PARD3B: variants seen among roughly 807,000 people sequenced by gnomAD.
PARD3B encodes the protein par-3 family cell polarity regulator beta, also known as partitioning defective 3 homolog B.
In PARD3B, 103 loss-of-function variants were observed where a neutral mutation model predicts 130.2. The observed-to-expected ratio is 0.79, with a 90% confidence interval of 0.67 to 0.93. The LOEUF is 0.93. Among genes scored for constraint, PARD3B ranks in the 40% least tolerant of loss-of-function variants. PARD3B has a pLI of 0.00. For missense variants in PARD3B, 1,609 were observed against 1,499.2 expected (o/e 1.07, Z -1.21); for synonymous variants, 583 against 553.2 (o/e 1.05, Z -0.76).
At chr2:204,596,755 C>A (rs2033306281) in intron 1 of PARD3B, among the ~76,000 whole-genome samples, 1 of 152,058 alleles carries the variant, frequency 6.6e-6, no homozygotes, top group African/African-American at 2.4e-5. Context: ...ATGGAGAAAC[C>A]CCGTCTCTAC....
intron 2 of PARD3B, among the ~76,000 whole-genome samples, chr2:204,950,403 G>T (rs567156882): frequency 4.9e-4 from 74 of 152,182 alleles, no homozygotes; most frequent in Non-Finnish European, 1.0e-3. Flanking sequence ...AGTGGTGTGA[G>T]CCCAGATTTG....
At chr2:204,639,172 T>C (rs187318332) in intron 1 of PARD3B, among the ~76,000 whole-genome samples, 1 of 152,288 alleles carries the variant, frequency 6.6e-6, no homozygotes, top group Admixed American at 6.5e-5. Flanking sequence ...GGAGTAGAAG[T>C]TGAAGGACAA....
intron 10 of PARD3B, among the ~76,000 whole-genome samples, chr2:205,154,480 C>G (rs2033979806): frequency 6.6e-6 from 1 of 152,054 alleles, no homozygotes; most frequent in South Asian, 2.1e-4. Flanking sequence ...TTGTGGAAGA[C>G]AGTGTGGCGA....
intron 1 of PARD3B, among the ~76,000 whole-genome samples, chr2:204,644,354 T>C (rs1188211401): frequency 1.3e-5 from 2 of 152,202 alleles, no homozygotes; most frequent in African/African-American, 2.4e-5. Context: ...TGTATGGGTG[T>C]GTGGGTGTCT....
At chr2:204,917,148 TAAG>T (rs1320246755) in intron 2 of PARD3B, among the ~76,000 whole-genome samples, 2 of 152,208 alleles carry the variant, frequency 1.3e-5, no homozygotes, top group African/African-American at 4.8e-5. Context: ...GGGAAGATTC[TAAG>T]AAGACCATAG....
At chr2:205,123,445 G>T (rs1275110003) in intron 8 of PARD3B, among the ~76,000 whole-genome samples, 1 of 150,586 alleles carries the variant, frequency 6.6e-6, no homozygotes, top group Non-Finnish European at 1.5e-5. Context: ...AGAGATTTAG[G>T]TCTCTTTCAT....
chr2:205,072,564 A>G (rs574580271), intron 4 of PARD3B, among the ~76,000 whole-genome samples: 1 of 152,290 alleles, frequency 6.6e-6, no homozygotes, highest in South Asian at 2.1e-4. Flanking sequence ...GGATTAAAGT[A>G]TAGGTGGAGA....
intron 2 of PARD3B, among the ~76,000 whole-genome samples, chr2:204,859,354 A>C (rs2045091569): frequency 1.3e-5 from 2 of 152,174 alleles, no homozygotes; most frequent in Admixed American, 1.3e-4. Context: ...TTAGAAATGG[A>C]TGAGAATAGC....
rs114978377 is a variant in PARD3B at position 204,909,004 on chromosome 2, T to C, written c.223-56148T>C. Among the ~76,000 whole-genome samples, 576 of 152,250 alleles carry C rather than the reference T, an allele frequency of 3.8e-3. 5 individuals carry two copies. The highest frequency in any genetic ancestry group is 0.013 in the African/African-American group (534 of 41,546). On this transcript the variant is annotated intron_variant, in intron 2 of 22. Transcript: ENST00000406610. ...GAGTGGTTTCATACTATCAATAGTG[T>C]CCTTCAGCAGAATTGCTTTTTATTG...
intron 2 of PARD3B, among the ~76,000 whole-genome samples, chr2:204,796,875 T>C (rs2042392481): frequency 6.6e-6 from 1 of 152,188 alleles, no homozygotes. Flanking sequence ...TCTTTGACTG[T>C]ACATTAAACT....
At chr2:205,076,525 A>G (rs1464125299) in intron 4 of PARD3B, among the ~76,000 whole-genome samples, 1 of 152,184 alleles carries the variant, frequency 6.6e-6, no homozygotes, top group African/African-American at 2.4e-5. Context: ...ATTGGGGATC[A>G]TCAGCCCCCA....
At chr2:204,699,695 A>G (rs1001800671) in intron 2 of PARD3B, among the ~76,000 whole-genome samples, 2 of 152,148 alleles carry the variant, frequency 1.3e-5, no homozygotes, top group Non-Finnish European at 2.9e-5. Context: ...CAATGATACA[A>G]TAATGTTTGG....
chr2:205,496,605 A>T (rs75055432), intron 20 of PARD3B, among the ~76,000 whole-genome samples: 2,529 of 152,256 alleles, frequency 0.017, 74 homozygotes, highest in African/African-American at 0.056. Flanking sequence ...CCTGTCAGCC[A>T]CAGGGGACTT....
chr2:204,874,584 T>A (rs370647635), intron 2 of PARD3B, among the ~76,000 whole-genome samples: 112 of 152,188 alleles, frequency 7.4e-4, no homozygotes, highest in African/African-American at 1.4e-3. Context: ...TATTTTTTTT[T>A]AAAAATCGAG....
intron 20 of PARD3B, among the ~76,000 whole-genome samples, chr2:205,444,143 G>A (rs1463708591): frequency 1.3e-5 from 2 of 152,120 alleles, no homozygotes; most frequent in East Asian, 1.9e-4. Context: ...CCACCAACCC[G>A]ACTAATTTTT....
chr2:204,749,314 A>AT (rs2040369288), intron 2 of PARD3B, among the ~76,000 whole-genome samples: 1 of 152,242 alleles, frequency 6.6e-6, no homozygotes, highest in South Asian at 2.1e-4. Context: ...TTACATATCA[A>AT]TTTTTTGGTT....
chr2:204,565,631 A>G (rs1444663403), intron 1 of PARD3B, among the ~76,000 whole-genome samples: 1 of 152,180 alleles, frequency 6.6e-6, no homozygotes, highest in Non-Finnish European at 1.5e-5. Context: ...AAAATTTTTA[A>G]TTTTTGGATT....
At chr2:204,853,249 TATCCATAATAAAGAA>T (rs2044782938) in intron 2 of PARD3B, among the ~76,000 whole-genome samples, 1 of 152,192 alleles carries the variant, frequency 6.6e-6, no homozygotes, top group Non-Finnish European at 1.5e-5. Context: ...CCATGTGCAA[TATCCATAATAAAGAA>T]ATACAAGGAG....
intron 1 of PARD3B, among the ~76,000 whole-genome samples, chr2:204,583,285 C>A (rs2032657176): frequency 1.0e-5 from 1 of 96,440 alleles, no homozygotes; most frequent in Admixed American, 1.3e-4. Flanking sequence ...CCATGGAATA[C>A]TATGCAGCCA....
Sources: gnomAD v4.1 joint callset for allele counts (sites outside exome capture counted in the v4.1 genomes callset) on GRCh38, gnomAD v4.1.1 for gene constraint, MANE v1.5 for transcripts, NCBI Gene and HGNC (gene_info 2026-07-23, HGNC 2026-07-21) for gene names.